Variants in SNTG1 observed in about 807,000 individuals in gnomAD.
The protein encoded by SNTG1 is syntrophin gamma 1.
SNTG1 carries 39 observed loss-of-function variants against 74.7 expected under a neutral mutation model. The observed-to-expected ratio is 0.52, with a 90% confidence interval of 0.40 to 0.68. The LOEUF is 0.68. Ranked by LOEUF, SNTG1 falls within the 30% of genes least tolerant of loss-of-function variation. The pLI is 0.00. For synonymous variants in SNTG1, 254 were observed against 217.1 expected (o/e 1.17, Z -1.49); for missense variants, 685 against 609.5 (o/e 1.12, Z -1.30).
intron 18 of SNTG1, among the ~76,000 whole-genome samples, chr8:50,758,770 C>T (rs2095588576): frequency 1.3e-5 from 2 of 152,012 alleles, no homozygotes; most frequent in African/African-American, 4.8e-5. Context: ...GTGAACAGTG[C>T]AGCAATAAAC....
At chr8:50,757,071 C>T (rs574575421) in intron 18 of SNTG1, among the ~76,000 whole-genome samples, 34 of 151,594 alleles carry the variant, frequency 2.2e-4, no homozygotes, top group South Asian at 8.3e-4. Flanking sequence ...GATTTCCCAC[C>T]GTTAAGTATG....
intron 13 of SNTG1, among the ~76,000 whole-genome samples, chr8:50,598,986 C>T (rs1232498230): frequency 1.3e-5 from 2 of 152,026 alleles, no homozygotes; most frequent in South Asian, 4.1e-4. Flanking sequence ...TTTTCTACAT[C>T]TATGGTAGGT....
At chr8:50,784,867 CAA>C (rs1481330224) in intron 18 of SNTG1, among the ~76,000 whole-genome samples, 1 of 151,762 alleles carries the variant, frequency 6.6e-6, no homozygotes, top group African/African-American at 2.4e-5. Context: ...TCTATGAACA[CAA>C]TGGAATAAAA....
intron 4 of SNTG1, among the ~76,000 whole-genome samples, chr8:50,436,704 G>T (rs1345489928): frequency 6.6e-6 from 1 of 152,042 alleles, no homozygotes; most frequent in East Asian, 1.9e-4. Context: ...TCTCTTTAAT[G>T]AACCATTTAA....
rs553617299 is a variant in SNTG1, at chr8:50,468,812, G to T, written c.363+18083G>T. Among the ~76,000 whole-genome samples, 3 of 152,132 alleles carry T rather than the reference G, an allele frequency of 2.0e-5. No homozygotes were observed. In the South Asian group the frequency reaches 6.2e-4, roughly 32 times the overall value. ...ATGCTTTTGAAAACAATTAGTGTTT[G>T]TTTTAGTTTCCATTATGCGTTTTTA... On this transcript the variant is annotated intron_variant, in intron 8 of 18. Coordinates refer to ENST00000642720, the MANE Select transcript of SNTG1 (RefSeq NM_018967.5).
chr8:50,180,092 A>G lies in SNTG1; in HGVS notation c.-28+7457A>G, dbSNP rs546243810. Among the ~76,000 whole-genome samples, 13 of 152,350 alleles carry G rather than the reference A, an allele frequency of 8.5e-5. 1 individual carries two copies. Among genetic ancestry groups the G allele is most frequent in the African/African-American group, 2.9e-4 (12 of 41,582 alleles). ...TGGTATATGTACATAATATAATACT[A>G]TTCAGTCTTAAAAAAGGACATGCTG... On this transcript the variant is annotated intron_variant, in intron 2 of 18. Transcript: ENST00000642720.
rs1161267985 is a variant in SNTG1, at chr8:50,123,728, A to G, written c.-102-48833A>G. Among the ~76,000 whole-genome samples the G allele has an allele frequency of 1.4e-5, 2 of 142,042 alleles. 1 individual carries two copies. The highest frequency in any genetic ancestry group is 3.1e-5 in the Non-Finnish European group (2 of 63,766). The allele number at this position is 142,042 out of a possible 152,430, so 93.2% of individuals were successfully genotyped here. A position where few individuals can be genotyped will look rare whatever the true frequency, so the allele number is the denominator to read the frequency against. Reference sequence around the variant, plus strand: ...GGGAAAGGGTGACATTGTAGAGGCCAAAAGAAGGGACATCTTCAAGCAAAC... The same window carrying G: ...GGGAAAGGGTGACATTGTAGAGGCCGAAAGAAGGGACATCTTCAAGCAAAC... On this transcript the variant is annotated intron_variant, in intron 1 of 18. Transcript: ENST00000642720.
chr8:50,730,732 T>G (rs2095511001), intron 17 of SNTG1, among the ~76,000 whole-genome samples: 1 of 152,214 alleles, frequency 6.6e-6, no homozygotes, highest in Non-Finnish European at 1.5e-5. Flanking sequence ...TCATAAAATA[T>G]GAAGGAGGCA....
At chr8:50,150,949 C>T (rs2131536056) in intron 1 of SNTG1, among the ~76,000 whole-genome samples, 1 of 152,320 alleles carries the variant, frequency 6.6e-6, no homozygotes, top group East Asian at 1.9e-4. Flanking sequence ...AGGATTCCCT[C>T]TTTTTCTATT....
chr8:50,365,490 T>G (rs1053951503), intron 2 of SNTG1, among the ~76,000 whole-genome samples: 22 of 152,116 alleles, frequency 1.4e-4, no homozygotes, highest in Admixed American at 1.4e-3. Flanking sequence ...CCTTTGAAAT[T>G]TGCTAGTCAA....
chr8:50,038,504 G>T (rs555789758), intron 1 of SNTG1, among the ~76,000 whole-genome samples: 3 of 152,218 alleles, frequency 2.0e-5, no homozygotes, highest in South Asian at 2.1e-4. Flanking sequence ...CCTGTCAAAG[G>T]TATTACTATA....
chr8:50,001,046 C>A (rs751194576), intron 1 of SNTG1, among the ~76,000 whole-genome samples: 1 of 152,128 alleles, frequency 6.6e-6, no homozygotes, highest in African/African-American at 2.4e-5. Context: ...ATCAGTCATA[C>A]GCCACTGCAT....
At chr8:50,294,550 G>A (rs1294241420) in intron 2 of SNTG1, among the ~76,000 whole-genome samples, 1 of 152,092 alleles carries the variant, frequency 6.6e-6, no homozygotes, top group Non-Finnish European at 1.5e-5. Flanking sequence ...TTGCATGCTG[G>A]CAGAATTCCT....
chr8:50,214,500 A>T (rs2084681562), intron 2 of SNTG1, among the ~76,000 whole-genome samples: 1 of 152,100 alleles, frequency 6.6e-6, no homozygotes, highest in Non-Finnish European at 1.5e-5. Context: ...TAGTCAGAAA[A>T]CCACTTTGGA....
At chr8:50,663,926 G>A (rs1482189551) in intron 15 of SNTG1, among the ~76,000 whole-genome samples, 4 of 152,058 alleles carry the variant, frequency 2.6e-5, no homozygotes, top group Admixed American at 6.6e-5. Context: ...TTGGGTAACA[G>A]ATCTCAACCA....
intron 10 of SNTG1, among the ~76,000 whole-genome samples, chr8:50,535,734 A>G (rs942466937): frequency 6.6e-6 from 1 of 152,236 alleles, no homozygotes; most frequent in African/African-American, 2.4e-5. Flanking sequence ...ATTGTTAAAA[A>G]GTTTAATGCC....
chr8:50,738,362 G>A (rs574098851), intron 17 of SNTG1, among the ~76,000 whole-genome samples: 1 of 152,168 alleles, frequency 6.6e-6, no homozygotes, highest in African/African-American at 2.4e-5. Flanking sequence ...AGAATGTGAA[G>A]GACCTCTTCA....
intron 2 of SNTG1, among the ~76,000 whole-genome samples, chr8:50,272,013 A>T (rs981348471): frequency 6.6e-6 from 1 of 152,110 alleles, no homozygotes; most frequent in Non-Finnish European, 1.5e-5. Flanking sequence ...ATCATCTATG[A>T]GCCAGAAAGC....
intron 2 of SNTG1, among the ~76,000 whole-genome samples, chr8:50,263,587 A>T (rs2087306093): frequency 6.6e-6 from 1 of 152,182 alleles, no homozygotes; most frequent in Non-Finnish European, 1.5e-5. Context: ...AGCATAAAAT[A>T]GATTTAAAGG....
Sources: gnomAD v4.1 joint callset for allele counts (sites outside exome capture counted in the v4.1 genomes callset) on GRCh38, gnomAD v4.1.1 for gene constraint, MANE v1.5 for transcripts, NCBI Gene and HGNC (gene_info 2026-07-23, HGNC 2026-07-21) for gene names.